DACH2: variants seen among roughly 807,000 people sequenced by gnomAD.
DACH2 encodes dachshund homolog 2.
DACH2 carries 17 observed loss-of-function variants against 35.8 expected under a neutral mutation model. That is an observed-to-expected ratio of 0.48 (90% CI 0.33 to 0.71). The LOEUF is 0.71. Among genes scored for constraint, DACH2 ranks in the 30% least tolerant of loss-of-function variants. The pLI is 0.02. For synonymous variants in DACH2, 195 were observed against 177.3 expected, an observed-to-expected ratio of 1.10 and a Z score of -0.79; for missense variants, 469 against 472.7, an observed-to-expected ratio of 0.99 and a Z score of 0.07.
At chrX:86,680,392 A>G (rs987084887) in intron 4 of DACH2, among the ~76,000 whole-genome samples, 1 of 111,767 alleles carries the variant, frequency 8.9e-6, no homozygotes, top group Non-Finnish European at 1.9e-5. Flanking sequence ...AGTTAATCCA[A>G]TGTTTGATAC....
At chrX:86,673,630 G>C (rs1365871652) in intron 4 of DACH2, among the ~76,000 whole-genome samples, 1 of 111,157 alleles carries the variant, frequency 9.0e-6, no homozygotes, top group East Asian at 2.8e-4. Flanking sequence ...GAGACTTGGG[G>C]GACTGTTGAG....
intron 3 of DACH2, among the ~76,000 whole-genome samples, chrX:86,584,111 T>C (rs1006752190): frequency 3.6e-5 from 4 of 111,463 alleles, no homozygotes; most frequent in Non-Finnish European, 5.7e-5. Context: ...ATTTCTTTGT[T>C]TCAAATTTTT....
chrX:86,180,872 A>T (rs1011523065), intron 1 of DACH2, among the ~76,000 whole-genome samples: 4 of 111,655 alleles, frequency 3.6e-5, no homozygotes, highest in African/African-American at 1.3e-4. Flanking sequence ...TTTTTGGCAC[A>T]TGCATTCCTG....
intron 1 of DACH2, among the ~76,000 whole-genome samples, chrX:86,263,267 C>T (rs1375112578): frequency 9.0e-6 from 1 of 111,683 alleles, no homozygotes; most frequent in African/African-American, 3.3e-5. Flanking sequence ...TAGCCAATGC[C>T]TTTAAAATGG....
At chrX:86,706,106 C>A (rs917898430) in intron 5 of DACH2, among the ~76,000 whole-genome samples, 1 of 109,723 alleles carries the variant, frequency 9.1e-6, no homozygotes, top group African/African-American at 3.3e-5. Flanking sequence ...AGGAGTGTGG[C>A]GGGGTGGGTG....
chrX:86,418,800 C>A (rs898101526), intron 2 of DACH2, among the ~76,000 whole-genome samples: 1 of 111,979 alleles, frequency 8.9e-6, no homozygotes, highest in South Asian at 3.8e-4. Context: ...TTAGGGTTTT[C>A]TTTTCTATCA....
intron 3 of DACH2, among the ~76,000 whole-genome samples, chrX:86,556,756 GTATATATATATATATATA>G (rs555576117): frequency 3.6e-3 from 92 of 25,452 alleles, no homozygotes; most frequent in African/African-American, 9.4e-3. Context: ...AATAGGATAT[GTATATATATATATATATA>G]TATATATATA....
chrX:86,548,998 C>T (rs1174028087), intron 3 of DACH2, among the ~76,000 whole-genome samples: 2 of 111,699 alleles, frequency 1.8e-5, no homozygotes, highest in Non-Finnish European at 3.8e-5. Flanking sequence ...ATTTATTCTC[C>T]TATTAGAGAA....
chrX:86,603,119 C>T (rs993021641), intron 3 of DACH2, among the ~76,000 whole-genome samples: 10 of 111,036 alleles, frequency 9.0e-5, no homozygotes, highest in African/African-American at 3.3e-4. Context: ...AGTGAATGGT[C>T]TACTCTATGT....
chrX:86,173,385 G>A, intron 1 of DACH2, among the ~76,000 whole-genome samples: 1 of 112,009 alleles, frequency 8.9e-6, no homozygotes, highest in Non-Finnish European at 1.9e-5. Context: ...GAAAAATAGA[G>A]CAAGTAGAGC....
chrX:86,390,194 ACAT>A (rs2036179691), intron 2 of DACH2, among the ~76,000 whole-genome samples: 1 of 112,187 alleles, frequency 8.9e-6, no homozygotes. Context: ...TTAAAAAAAA[ACAT>A]CTCTGCTAAA....
chrX:86,609,869 A>C (rs2039907149), intron 3 of DACH2, among the ~76,000 whole-genome samples: 1 of 111,594 alleles, frequency 9.0e-6, no homozygotes, highest in Admixed American at 9.5e-5. Context: ...TGACAAAAGC[A>C]GCCCTATGGC....
chrX:86,540,374 C>T (rs1253517698), intron 3 of DACH2, among the ~76,000 whole-genome samples: 3 of 112,089 alleles, frequency 2.7e-5, no homozygotes, highest in Non-Finnish European at 5.6e-5. Flanking sequence ...AAATGTGAAT[C>T]TGAAGACAGG....
At chrX:86,234,798 A>C (rs1042125460) in intron 1 of DACH2, among the ~76,000 whole-genome samples, 1 of 109,736 alleles carries the variant, frequency 9.1e-6, no homozygotes, top group African/African-American at 3.3e-5. Flanking sequence ...TGTTTTGTAG[A>C]GATAGGGTTT....
intron 4 of DACH2, among the ~76,000 whole-genome samples, chrX:86,688,177 T>C (rs1241461896): frequency 8.0e-5 from 9 of 112,432 alleles, no homozygotes; most frequent in Non-Finnish European, 1.7e-4. Flanking sequence ...ATAAACATTC[T>C]GGTCATGCAA....
intron 2 of DACH2, among the ~76,000 whole-genome samples, chrX:86,490,525 A>T (rs750786913): frequency 1.8e-5 from 2 of 111,269 alleles, no homozygotes; most frequent in Non-Finnish European, 3.8e-5. Context: ...TAATGCCAAG[A>T]TATGTAACGA....
Position 86,148,806 on chromosome X carries a change from C to T in DACH2, c.186C>T (p.Asn62=), listed in dbSNP as rs746671393. The change falls in exon 1 of 12, where the codon AAC becomes AAT. Residue 62 remains asparagine, a synonymous_variant. Coordinates refer to ENST00000373125, the MANE Select transcript of DACH2 (RefSeq NM_053281.3). ...SNSAGGGGRG[N]TNTNECRMVD... ...GTGCCGGAGGCGGCGGCAGGGGCAA[C>T]ACCAACACCAACGAGTGCCGCATGG... 5 of 1,211,690 alleles carry T rather than the reference C, an allele frequency of 4.1e-6. No individual in the cohort carries two copies. The East Asian group carries it at 1.2e-4, about 29-fold the overall frequency.
At chrX:86,552,462 C>T (rs2039063286) in intron 3 of DACH2, among the ~76,000 whole-genome samples, 1 of 111,973 alleles carries the variant, frequency 8.9e-6, no homozygotes, top group Non-Finnish European at 1.9e-5. Flanking sequence ...GGCATTATTG[C>T]AAAGCACCCC....
At chrX:86,382,681 C>T (rs2036064500) in intron 2 of DACH2, among the ~76,000 whole-genome samples, 2 of 110,651 alleles carry the variant, frequency 1.8e-5, no homozygotes, top group Non-Finnish European at 3.8e-5. Context: ...TCTTAGAGAC[C>T]TTTCTTTCTA....
Sources: gnomAD v4.1 joint callset for allele counts (sites outside exome capture counted in the v4.1 genomes callset) on GRCh38, gnomAD v4.1.1 for gene constraint, MANE v1.5 for transcripts, NCBI Gene and HGNC (gene_info 2026-07-23, HGNC 2026-07-21) for gene names.